CSMD1: variants seen among roughly 807,000 people sequenced by gnomAD.
CSMD1 encodes the protein CUB and Sushi multiple domains 1.
Under a neutral mutation model 417.5 loss-of-function variants are expected in CSMD1, and 213 were observed. The observed-to-expected ratio is 0.51, with a 90% CI of 0.46 to 0.57. The LOEUF is 0.57. CSMD1 is among the 20% of genes least tolerant of loss of function. The pLI, the probability that CSMD1 is intolerant of heterozygous loss-of-function variation, is 0.00. For missense variants in CSMD1, 6,923 were observed against 4,529.7 expected (o/e 1.53, Z -15.17); for synonymous variants, 2,862 against 1,736.8 (o/e 1.65, Z -16.11).
chr8:3,436,200 G>C (rs1196028724), intron 12 of CSMD1, among the ~76,000 whole-genome samples: 2 of 152,080 alleles, frequency 1.3e-5, no homozygotes, highest in Non-Finnish European at 2.9e-5. Context: ...ATCATTATAA[G>C]ATGCTTAATT....
intron 3 of CSMD1, among the ~76,000 whole-genome samples, chr8:4,070,910 A>C (rs1799521718): frequency 6.6e-6 from 1 of 152,052 alleles, no homozygotes; most frequent in Admixed American, 6.6e-5. Flanking sequence ...TTAGCACTTT[A>C]ATGATGTTGT....
chr8:3,241,122 A>C (rs1009858316), intron 26 of CSMD1, among the ~76,000 whole-genome samples: 7 of 151,618 alleles, frequency 4.6e-5, no homozygotes, highest in Non-Finnish European at 7.4e-5. Flanking sequence ...GAAGGGCGGC[A>C]ATGAGATGTA....
At chr8:4,135,835 T>C (rs549306311) in intron 3 of CSMD1, among the ~76,000 whole-genome samples, 22 of 152,264 alleles carry the variant, frequency 1.4e-4, no homozygotes, top group African/African-American at 5.1e-4. Flanking sequence ...TAGATGTAAC[T>C]ACAAATTGGC....
rs114349940 is a variant in CSMD1, at chr8:4,097,778, T to C, written c.416-65679A>G. Among the ~76,000 whole-genome samples, 757 of 152,286 alleles carry C rather than the reference T, an allele frequency of 5.0e-3. 5 individuals carry two copies. Among genetic ancestry groups the C allele is most frequent in the African/African-American group, 0.017 (724 of 41,556 alleles). On this transcript the variant is annotated intron_variant, in intron 3 of 69. Transcript: ENST00000635120. ...GTCAAATTCTGGGTAAGTACGAACA[T>C]TAGTTTTAGCATGATTACAAATGCT...
At chr8:4,927,507 C>G (rs1024121920) in intron 1 of CSMD1, among the ~76,000 whole-genome samples, 1 of 152,132 alleles carries the variant, frequency 6.6e-6, no homozygotes, top group Non-Finnish European at 1.5e-5. Flanking sequence ...TCTGCGATGC[C>G]AGTCCTTTTT....
At chr8:3,580,159 G>T (rs985042666) in intron 9 of CSMD1, among the ~76,000 whole-genome samples, 2 of 152,164 alleles carry the variant, frequency 1.3e-5, no homozygotes, top group African/African-American at 4.8e-5. Context: ...TGCTCATCAT[G>T]AGTTGAACAC....
At chr8:3,965,688 G>C (rs1426968749) in intron 5 of CSMD1, among the ~76,000 whole-genome samples, 3 of 152,068 alleles carry the variant, frequency 2.0e-5, no homozygotes, top group African/African-American at 4.8e-5. Context: ...TGCCATCTCA[G>C]CTCACTACAA....
At chr8:3,769,340 G>T (rs6994860) in intron 5 of CSMD1, among the ~76,000 whole-genome samples, 80,541 of 150,912 alleles carry the variant, frequency 0.53, 22,486 homozygotes, top group Non-Finnish European at 0.63. Flanking sequence ...TATGTTAAAA[G>T]AAAGTTGTAC....
At chr8:3,449,285 C>G (rs1815531798) in intron 12 of CSMD1, among the ~76,000 whole-genome samples, 1 of 152,142 alleles carries the variant, frequency 6.6e-6, no homozygotes, top group African/African-American at 2.4e-5. Flanking sequence ...AGAGACTAAA[C>G]TCAGCTTCTT....
At chr8:4,215,876 A>C (rs190519367) in intron 3 of CSMD1, among the ~76,000 whole-genome samples, 1 of 152,382 alleles carries the variant, frequency 6.6e-6, no homozygotes, top group Admixed American at 6.5e-5. Flanking sequence ...TGATGTTAAG[A>C]ATAAAGCAGG....
At chr8:4,137,792 T>G (rs1270833758) in intron 3 of CSMD1, among the ~76,000 whole-genome samples, 1 of 77,452 alleles carries the variant, frequency 1.3e-5, no homozygotes, top group East Asian at 2.5e-4. Context: ...AGCCTTATAA[T>G]CCAAATTAAT....
At chr8:3,817,854 C>T (rs1156809926) in intron 5 of CSMD1, among the ~76,000 whole-genome samples, 1 of 152,146 alleles carries the variant, frequency 6.6e-6, no homozygotes, top group Non-Finnish European at 1.5e-5. Flanking sequence ...GAGTCCAGAG[C>T]ATACCCTTCA....
intron 3 of CSMD1, among the ~76,000 whole-genome samples, chr8:4,067,154 C>G (rs1351268660): frequency 6.6e-6 from 1 of 152,182 alleles, no homozygotes. Flanking sequence ...AAAGGGAAAG[C>G]AAGGATGAAA....
chr8:3,915,787 T>A (rs1365414750), intron 5 of CSMD1, among the ~76,000 whole-genome samples: 1 of 148,436 alleles, frequency 6.7e-6, no homozygotes, highest in Non-Finnish European at 1.5e-5. Context: ...AAAATTTTCG[T>A]ATCAATTTTA....
intron 3 of CSMD1, among the ~76,000 whole-genome samples, chr8:4,358,534 G>T (rs1015156358): frequency 2.0e-5 from 3 of 152,190 alleles, no homozygotes; most frequent in Non-Finnish European, 4.4e-5. Context: ...ATGCAGAGGT[G>T]ACGATATGGC....
At chr8:4,439,605 T>C (rs756141160) in intron 2 of CSMD1, among the ~76,000 whole-genome samples, 2 of 152,166 alleles carry the variant, frequency 1.3e-5, no homozygotes, top group Non-Finnish European at 2.9e-5. Context: ...TACTTACATA[T>C]TTGTTTTAAG....
chr8:3,247,475 C>T lies in CSMD1; in HGVS notation c.4154-17244G>A, dbSNP rs551849020. 3.3e-5 allele frequency among the ~76,000 whole-genome samples: 5 copies of T among 152,310 alleles called. No homozygotes were observed. The South Asian group carries it at 1.0e-3, about 32-fold the overall frequency. The stretch of plus-strand genomic sequence containing the variant: ...TCAGATACAAGCCAAGCTGTCTACC[C>T]TCAGGAGGAGAGGCCCAAAGAAAAG... On this transcript the variant is annotated intron_variant, in intron 26 of 69. Coordinates refer to ENST00000635120, the MANE Select transcript of CSMD1 (RefSeq NM_033225.6).
At chr8:3,767,671 G>A (rs1015927440) in intron 5 of CSMD1, among the ~76,000 whole-genome samples, 1 of 152,096 alleles carries the variant, frequency 6.6e-6, no homozygotes, top group Non-Finnish European at 1.5e-5. Context: ...TGGTATACAA[G>A]TAATACCTAT....
At chr8:4,958,439 G>C (rs1190580759) in intron 1 of CSMD1, among the ~76,000 whole-genome samples, 1 of 152,076 alleles carries the variant, frequency 6.6e-6, no homozygotes, top group Non-Finnish European at 1.5e-5. Context: ...GGTAGATGAA[G>C]GTTAAAAGTA....
Sources: gnomAD v4.1 joint callset for allele counts (sites outside exome capture counted in the v4.1 genomes callset) on GRCh38, gnomAD v4.1.1 for gene constraint, MANE v1.5 for transcripts, NCBI Gene and HGNC (gene_info 2026-07-23, HGNC 2026-07-21) for gene names.